Variants in SLC4A10 observed in about 807,000 individuals in gnomAD.
SLC4A10 encodes sodium-driven chloride bicarbonate exchanger.
In SLC4A10, 42 loss-of-function variants were observed where a neutral mutation model predicts 137.7. The ratio of observed to expected loss-of-function variants is 0.30; its 90% confidence interval spans 0.24 to 0.39. The LOEUF is 0.39. Ranked by LOEUF, SLC4A10 falls within the 10% of genes least tolerant of loss-of-function variation. SLC4A10 has a pLI of 1.00. For synonymous variants in SLC4A10, 474 were observed against 464.1 expected (o/e 1.02, Z -0.27); for missense variants, 925 against 1,355.0 (o/e 0.68, Z 4.98).
intron 4 of SLC4A10, among the ~76,000 whole-genome samples, chr2:161,845,060 G>T (rs1395367839): frequency 1.3e-5 from 2 of 151,998 alleles, no homozygotes; most frequent in African/African-American, 4.8e-5. Flanking sequence ...TTGAAAACTG[G>T]AACAAATTGC....
intron 3 of SLC4A10, among the ~76,000 whole-genome samples, chr2:161,839,255 C>A (rs2059019826): frequency 6.6e-6 from 1 of 152,186 alleles, no homozygotes; most frequent in Non-Finnish European, 1.5e-5. Flanking sequence ...TGACATTTTG[C>A]AAAGGCAAAG....
At chr2:161,859,296 C>CTTTTCTTTTCT (rs796639016) in intron 5 of SLC4A10, among the ~76,000 whole-genome samples, 98 of 142,648 alleles carry the variant, frequency 6.9e-4, no homozygotes, top group East Asian at 2.8e-3. Context: ...CTTTTCTTTT[C>CTTTTCTTTTCT]TTTTTTTTTT....
intron 15 of SLC4A10, among the ~76,000 whole-genome samples, chr2:161,920,878 G>A (rs928885486): frequency 6.6e-6 from 1 of 152,168 alleles, no homozygotes; most frequent in African/African-American, 2.4e-5. Context: ...CCTTGTGTAT[G>A]TCAGTGCTGA....
chr2:161,659,644 T>TA (rs1388852912), intron 1 of SLC4A10, among the ~76,000 whole-genome samples: 1 of 151,708 alleles, frequency 6.6e-6, no homozygotes, highest in Non-Finnish European at 1.5e-5. Flanking sequence ...AATAAATAAA[T>TA]AAAAAATAAA....
intron 8 of SLC4A10, among the ~76,000 whole-genome samples, chr2:161,878,371 G>A (rs1210508884): frequency 6.6e-6 from 1 of 152,012 alleles, no homozygotes; most frequent in Non-Finnish European, 1.5e-5. Context: ...CATAAAAATT[G>A]ATATTTATTG....
At chr2:161,643,186 A>G (rs2035543673) in intron 1 of SLC4A10, among the ~76,000 whole-genome samples, 1 of 152,062 alleles carries the variant, frequency 6.6e-6, no homozygotes, top group Non-Finnish European at 1.5e-5. Flanking sequence ...TGAAAAGTTG[A>G]TAGAAGCTTA....
At chr2:161,781,952 T>C (rs921111661) in intron 2 of SLC4A10, among the ~76,000 whole-genome samples, 27 of 152,178 alleles carry the variant, frequency 1.8e-4, no homozygotes, top group Admixed American at 1.4e-3. Context: ...AGGAGGTTTG[T>C]GCATCCAATA....
At chr2:161,829,085 C>G (rs1261699747) in intron 3 of SLC4A10, among the ~76,000 whole-genome samples, 1 of 151,672 alleles carries the variant, frequency 6.6e-6, no homozygotes, top group South Asian at 2.1e-4. Flanking sequence ...GCTGGTGTGG[C>G]CTGACTTAAT....
At chr2:161,904,384 T>A (rs1683840251) in intron 13 of SLC4A10, among the ~76,000 whole-genome samples, 1 of 152,128 alleles carries the variant, frequency 6.6e-6, no homozygotes, top group African/African-American at 2.4e-5. Context: ...GTTCTGAGTC[T>A]TACAAAAGGT....
At chr2:161,813,019 C>T (rs1301238676) in intron 3 of SLC4A10, among the ~76,000 whole-genome samples, 6 of 151,870 alleles carry the variant, frequency 4.0e-5, no homozygotes, top group Non-Finnish European at 2.9e-5. Flanking sequence ...ATTTTCTTTA[C>T]ATTTTAGCCT....
At chr2:161,733,070 C>T (rs900278755) in intron 1 of SLC4A10, among the ~76,000 whole-genome samples, 11 of 152,062 alleles carry the variant, frequency 7.2e-5, no homozygotes, top group African/African-American at 2.7e-4. Context: ...AATTTTGCAG[C>T]CTGACATTGA....
chr2:161,671,254 T>C (rs1399151854), intron 1 of SLC4A10, among the ~76,000 whole-genome samples: 1 of 152,052 alleles, frequency 6.6e-6, no homozygotes, highest in East Asian at 1.9e-4. Flanking sequence ...TCATCCCCTC[T>C]AGAGGATGAA....
At chr2:161,876,476 C>T (rs1406408335) in intron 8 of SLC4A10, among the ~76,000 whole-genome samples, 2 of 151,942 alleles carry the variant, frequency 1.3e-5, no homozygotes, top group South Asian at 2.1e-4. Flanking sequence ...CTTAGGAGTT[C>T]GAGATCAACC....
chr2:161,899,837 T>C lies in SLC4A10; in HGVS notation c.1342-1074T>C, dbSNP rs541495433. Reference sequence around the variant, plus strand: ...ATGCTTCTCTTTTATCTTTGAACTTTAGTCTTACTGCGTCCATCCATTTGC... The same window carrying C: ...ATGCTTCTCTTTTATCTTTGAACTTCAGTCTTACTGCGTCCATCCATTTGC... On this transcript the variant is annotated intron_variant, in intron 11 of 26. Transcript: ENST00000446997. 3.9e-5 allele frequency among the ~76,000 whole-genome samples: 6 copies of C among 152,248 alleles called. No individual in the cohort carries two copies. The South Asian group carries it at 8.3e-4, about 21-fold the overall frequency.
In SLC4A10 at chr2:161,879,546, CT is replaced by C. The variant is rs71408189; in HGVS notation, c.1106+278del. 3.1e-3 allele frequency among the ~76,000 whole-genome samples: 384 copies of C among 125,020 alleles called. 3 individuals carry two copies. The highest frequency in any genetic ancestry group is 0.013 in the Middle Eastern group (3 of 234). The allele number at this position is 125,020 out of a possible 152,430, so 82.0% of individuals were successfully genotyped here. A position where few individuals can be genotyped will look rare whatever the true frequency, so the allele number is the denominator to read the frequency against. ...AAGGTACCCTGAAGCCATATGAATC[CT>C]TTTTTTTTTTTTTTTTTTTACATTT... On this transcript the variant is annotated intron_variant, in intron 9 of 26. Coordinates refer to ENST00000446997, the MANE Select transcript of SLC4A10 (RefSeq NM_001178015.2).
intron 10 of SLC4A10, among the ~76,000 whole-genome samples, chr2:161,892,869 T>C (rs1169600690): frequency 6.6e-6 from 1 of 152,130 alleles, no homozygotes; most frequent in East Asian, 1.9e-4. Flanking sequence ...AATTCCTGAG[T>C]ATGATAAGAT....
In SLC4A10 at chr2:161,900,985, T is replaced by G. The variant is rs1224694586; in HGVS notation, c.1416T>G (p.Ser472Arg). 6.4e-7 allele frequency: 1 copy of G among 1,567,448 alleles called. No homozygotes were observed. Among genetic ancestry groups the G allele is most frequent in the African/African-American group, 1.4e-5 (1 of 73,692 alleles). The change falls in exon 12 of 27, where the codon AGT becomes AGG. Residue 472 changes from serine to arginine, a missense_variant. Transcript: ENST00000446997. ...HGEAEPHGGH[S>R]GPELQRTGRI... ...AAGCAGAGCCCCACGGAGGACATAG[T>G]GGACCTGAACTCCAGCGAACTGGAA...
chr2:161,759,759 C>T (rs2050046459), intron 1 of SLC4A10, among the ~76,000 whole-genome samples: 1 of 151,858 alleles, frequency 6.6e-6, no homozygotes, highest in East Asian at 1.9e-4. Context: ...ATACTAACCC[C>T]TTACTCCTTA....
intron 11 of SLC4A10, among the ~76,000 whole-genome samples, chr2:161,897,213 AT>A (rs34694180): frequency 0.3 from 45,970 of 151,898 alleles, 7,295 homozygotes; most frequent in Admixed American, 0.39. Context: ...AAGCATTGCT[AT>A]TTTTTAGGGT....
Sources: gnomAD v4.1 joint callset for allele counts (sites outside exome capture counted in the v4.1 genomes callset) on GRCh38, gnomAD v4.1.1 for gene constraint, MANE v1.5 for transcripts, NCBI Gene and HGNC (gene_info 2026-07-23, HGNC 2026-07-21) for gene names.